WAC: variants seen among roughly 807,000 people sequenced by gnomAD.
WAC encodes the protein WW domain-containing adapter protein with coiled-coil.
WAC carries 11 observed loss-of-function variants against 79.6 expected under a neutral mutation model. The observed-to-expected ratio is 0.14, with a 90% confidence interval of 0.09 to 0.23. The LOEUF (loss-of-function observed/expected upper bound fraction) is 0.23, where lower values mean the gene tolerates loss of function less well. Among genes scored for constraint, WAC ranks in the 10% least tolerant of loss-of-function variants. The pLI, the probability that WAC is intolerant of heterozygous loss-of-function variation, is 1.00. For missense variants in WAC, 728 were observed against 773.5 expected (o/e 0.94, Z 0.70); for synonymous variants, 304 against 276.9 (o/e 1.10, Z -0.97).
chr10:28,595,078 G>C (rs766281562), intron 6 of WAC, among the ~76,000 whole-genome samples: 109 of 152,286 alleles, frequency 7.2e-4, no homozygotes, highest in Non-Finnish European at 1.3e-3. Context: ...TCTATTTTCA[G>C]ATAGCATTAT....
chr10:28,589,101 A>G (rs1465138794), intron 4 of WAC: 1 of 152,208 alleles, frequency 6.6e-6, no homozygotes, highest in Non-Finnish European at 1.5e-5. Flanking sequence ...TGTACCTGAG[A>G]ATTTTTGAAA....
chr10:28,604,601 C>T (rs370358597), intron 7 of WAC, among the ~76,000 whole-genome samples: 13 of 152,194 alleles, frequency 8.5e-5, no homozygotes, highest in African/African-American at 3.1e-4. Flanking sequence ...GGTGTGGTGG[C>T]ATGCACCTGT....
chr10:28,535,932 A>T (rs1281371599), intron 3 of WAC, 175 bp downstream of exon 3: 1 of 583,932 alleles, frequency 1.7e-6, no homozygotes, highest in African/African-American at 1.9e-5. Context: ...CAAGATGCTG[A>T]TGTGAGCATC....
rs189481716 is a variant in WAC, at chr10:28,583,480, A to T, written c.356A>T (p.Asn119Ile). 7.1e-5 allele frequency: 113 copies of T among 1,586,458 alleles called. 2 individuals are homozygous for T. The South Asian group carries it at 1.3e-3, about 18-fold the overall frequency. The change falls in exon 4 of 14, where the codon AAT becomes ATT. Residue 119 changes from asparagine to isoleucine, a missense_variant. Physicochemically the swap from Asn to Ile is moderately radical, Grantham distance 149. Coordinates refer to ENST00000354911, the MANE Select transcript of WAC (RefSeq NM_016628.5). The stretch of plus-strand genomic sequence containing the variant: ...AATTCACATTCTTCTAATCCAAGCA[A>T]TAACCCAAGCAAAACTTCAGATGCA... ...SSNSHSSNPSNNPSKTSDAPY... is the reference protein window; with the variant it reads ...SSNSHSSNPSINPSKTSDAPY...
rs1402619182 is a variant in WAC at position 28,608,312 on chromosome 10, C to T, written c.1046C>T (p.Pro349Leu). Residue 349 changes from proline to leucine, a missense_variant, in exon 8 of 14, where the codon CCA (proline) becomes CTA (leucine). Physicochemically the swap from Pro to Leu is moderately conservative, Grantham distance 98. Coordinates refer to ENST00000354911, the MANE Select transcript of WAC (RefSeq NM_016628.5). ...SASAVPVSPV[P>L]QSPIPPLLQD... ...TCAGCGGTCCCTGTTTCTCCTGTTCCACAGTCGCCAATACCTCCCTTACTT... is the reference window on the plus strand; with the variant it reads ...TCAGCGGTCCCTGTTTCTCCTGTTCTACAGTCGCCAATACCTCCCTTACTT... 6.2e-7 allele frequency: 1 copy of T among 1,614,186 alleles called. No individual in the cohort carries two copies.
In WAC at chr10:28,621,431, G is replaced by T. The variant is rs1841688424; in HGVS notation, c.*1825G>T. On this transcript the variant is annotated 3_prime_UTR_variant, in exon 14 of 14. Transcript: ENST00000354911. The stretch of plus-strand genomic sequence containing the variant: ...AGTAAGCTCAAAAAGTTAACTGTAA[G>T]CGATAGTGTTGGTGTTTTCTAAAAT... The T allele has an allele frequency of 6.6e-6, 1 of 152,078 alleles. No individual in the cohort carries two copies. The highest frequency in any genetic ancestry group is 1.5e-5 in the Non-Finnish European group (1 of 68,004). The allele number at this position is 152,078 out of a possible 1,614,324, so 9.4% of individuals were successfully genotyped here.
intron 3 of WAC, among the ~76,000 whole-genome samples, chr10:28,560,386 C>T (rs550171004): frequency 6.6e-6 from 1 of 151,842 alleles, no homozygotes; most frequent in Admixed American, 6.6e-5. Context: ...GTGGGGGGCA[C>T]GATTTTAAGC....
intron 3 of WAC, among the ~76,000 whole-genome samples, chr10:28,543,710 G>A (rs1359836851): frequency 1.3e-5 from 2 of 152,192 alleles, no homozygotes; most frequent in Admixed American, 6.5e-5. Flanking sequence ...GTTAGTACAC[G>A]CTCATTGTAG....
intron 3 of WAC, among the ~76,000 whole-genome samples, chr10:28,564,971 G>C (rs1309668953): frequency 3.3e-5 from 5 of 152,140 alleles, no homozygotes; most frequent in African/African-American, 1.2e-4. Context: ...AGAATTCTTT[G>C]TGCTACTCTT....
At chr10:28,583,552 C>CAA (rs35140807) in intron 4 of WAC, 47 bp downstream of exon 4, 27,184 of 823,440 alleles carry the variant, frequency 0.033, 60 homozygotes, top group Non-Finnish European at 0.036. Flanking sequence ...GAATTTTTTG[C>CAA]AAAAAAAAAA....
intron 3 of WAC, among the ~76,000 whole-genome samples, chr10:28,562,568 T>C (rs1838360921): frequency 1.3e-5 from 2 of 152,236 alleles, no homozygotes. Context: ...GGTGATTTAG[T>C]AAGTGTTATT....
chr10:28,616,134 T>A (rs1388036543), intron 11 of WAC, 39 bp from the exon 12 acceptor site: 2 of 1,465,666 alleles, frequency 1.4e-6, no homozygotes, highest in South Asian at 2.9e-5. Context: ...ACCCAGAAAC[T>A]ACTTTTAAAC....
At chr10:28,565,048 T>C (rs1200121496) in intron 3 of WAC, among the ~76,000 whole-genome samples, 1 of 152,228 alleles carries the variant, frequency 6.6e-6, no homozygotes, top group Non-Finnish European at 1.5e-5. Context: ...CTCTCTAGTT[T>C]TGTCATTTCA....
In WAC at chr10:28,608,187, A is replaced by C. The variant is rs1589237033; in HGVS notation, c.921A>C (p.Glu307Asp). ...SVPAQKTERK[E>D]STSGDKPVSH... is the part of the protein sequence containing the mutation. ...CAGGCTGATTATCTTTTTATTTAGA[A>C]TCTACATCAGGAGACAAACCCGTAT... The change falls in exon 8 of 14, where the codon GAA becomes GAC. Residue 307 changes from glutamate to aspartate, a missense_variant and splice_region_variant. Physicochemically the swap from Glu to Asp is conservative, Grantham distance 45. Coordinates refer to ENST00000354911, the MANE Select transcript of WAC (RefSeq NM_016628.5). The C allele has an allele frequency of 6.2e-7, 1 of 1,613,546 alleles. No individual in the cohort carries two copies. Among genetic ancestry groups the C allele is most frequent in the East Asian group, 2.2e-5 (1 of 44,868 alleles).
Position 28,552,676 on chromosome 10 carries a change from T to C in WAC, c.274+16919T>C, listed in dbSNP as rs545604046. ...GTGTATGAGGAATTTCCTTTTTGGG[T>C]TTGGATATTATGTATCATTTAGGAT... On this transcript the variant is annotated intron_variant, in intron 3 of 13. Transcript: ENST00000354911. Among the ~76,000 whole-genome samples, 359 of 152,260 alleles carry C rather than the reference T, an allele frequency of 2.4e-3. 3 individuals carry two copies. Among genetic ancestry groups the C allele is most frequent in the Non-Finnish European group, 3.6e-3 (244 of 68,008 alleles).
At chr10:28,605,224 T>C (rs911975446) in intron 7 of WAC, among the ~76,000 whole-genome samples, 1 of 152,230 alleles carries the variant, frequency 6.6e-6, no homozygotes, top group Non-Finnish European at 1.5e-5. Context: ...GTTTTTCTTT[T>C]GTTTGTTTTT....
chr10:28,607,217 C>T (rs1214491022), intron 7 of WAC, among the ~76,000 whole-genome samples: 1 of 151,990 alleles, frequency 6.6e-6, no homozygotes, highest in Non-Finnish European at 1.5e-5. Context: ...TTATGGATAC[C>T]TTTCTGTGTT....
At chr10:28,536,152 T>TTCC (rs1836658883) in intron 3 of WAC, among the ~76,000 whole-genome samples, 1 of 151,416 alleles carries the variant, frequency 6.6e-6, no homozygotes, top group Non-Finnish European at 1.5e-5. Context: ...GAAGCTAAGG[T>TTCC]AGGAGAATCA....
rs1457978963 is a variant in WAC, at chr10:28,620,368, C to T, written c.*762C>T. 4.4e-5 allele frequency: 2 copies of T among 45,216 alleles called. No homozygotes were observed. The highest frequency in any genetic ancestry group is 8.1e-5 in the Non-Finnish European group (2 of 24,560). The allele number at this position is 45,216 out of a possible 1,614,324, so 2.8% of individuals were successfully genotyped here. A position where few individuals can be genotyped will look rare whatever the true frequency, so the allele number is the denominator to read the frequency against. On this transcript the variant is annotated 3_prime_UTR_variant, in exon 14 of 14. Transcript: ENST00000354911. ...TAAATTATTGAAATCCATTTGCACC[C>T]TGTTAAGAATGGACTTAAAAGTACT...
Sources: allele counts gnomAD v4.1 joint callset (sites outside exome capture counted in the v4.1 genomes callset), GRCh38; gene constraint gnomAD v4.1.1; transcripts MANE v1.5; gene names NCBI Gene and HGNC (gene_info 2026-07-23, HGNC 2026-07-21).